Variants in EED observed in about 807,000 individuals in gnomAD.
EED encodes the protein polycomb protein EED.
A neutral mutation model predicts 61.0 loss-of-function variants in EED; 9 were observed. The ratio of observed to expected loss-of-function variants is 0.15; its 90% CI spans 0.09 to 0.26. The LOEUF (loss-of-function observed/expected upper bound fraction) is 0.26. EED is among the 10% of genes least tolerant of loss of function. The pLI, the probability that EED is intolerant of heterozygous loss-of-function variation, is 1.00. For synonymous variants in EED, 187 were observed against 174.4 expected (o/e 1.07, Z -0.57); for missense variants, 315 against 542.3 (o/e 0.58, Z 4.16).
At chr11:86,270,113 C>G (rs1325620632) in intron 9 of EED, 1 of 700,436 alleles carries the variant, frequency 1.4e-6, no homozygotes, top group Admixed American at 2.0e-5. Context: ...TTCCCACCAG[C>G]AATGTATGAG....
At chr11:86,258,352 T>C (rs1945729454) in intron 6 of EED, among the ~76,000 whole-genome samples, 1 of 152,196 alleles carries the variant, frequency 6.6e-6, no homozygotes, top group African/African-American at 2.4e-5. Flanking sequence ...GCTACGTTTT[T>C]CAGGATAAGT....
intron 3 of EED, among the ~76,000 whole-genome samples, chr11:86,254,715 C>T (rs375017328): frequency 6.0e-5 from 9 of 151,018 alleles, no homozygotes; most frequent in African/African-American, 1.9e-4. Context: ...CTCCGCCTCC[C>T]GGGTTCAAGT....
rs1482435543 is a variant in EED, at chr11:86,255,235, A to T, written c.374A>T (p.Glu125Val). The stretch of plus-strand genomic sequence containing the variant: ...TATTTTCATTAGGTTACCTTGTATG[A>T]ATGTCATTCACAAGGAGAAATCCGG... ...TVGSNRVTLY[E>V]CHSQGEIRLL... Residue 125 changes from glutamate to valine, a missense_variant, in exon 4 of 12, where the codon GAA becomes GTA. Physicochemically the swap from Glu to Val is moderately radical, Grantham distance 121 (BLOSUM62 -2). Transcript: ENST00000263360. 2 of 1,609,784 alleles carry T rather than the reference A, an allele frequency of 1.2e-6. No individual in the cohort carries two copies. The highest frequency in any genetic ancestry group is 1.7e-6 in the Non-Finnish European group (2 of 1,176,942).
chr11:86,252,671 G>A (rs1945565329), intron 3 of EED, among the ~76,000 whole-genome samples: 1 of 152,056 alleles, frequency 6.6e-6, no homozygotes, highest in Admixed American at 6.6e-5. Flanking sequence ...TTATTGAGAT[G>A]TTTTAATTAC....
chr11:86,255,145 T>G, intron 3 of EED, 77 bp from the exon 4 acceptor site: 1 of 1,173,196 alleles, frequency 8.5e-7, no homozygotes, highest in Non-Finnish European at 1.2e-6. Flanking sequence ...GGATTGCGAT[T>G]AAAATATGTT....
At chr11:86,256,696 G>A (rs1945685270) in intron 5 of EED, among the ~76,000 whole-genome samples, 184 bp downstream of exon 5, 1 of 152,172 alleles carries the variant, frequency 6.6e-6, no homozygotes, top group Non-Finnish European at 1.5e-5. Flanking sequence ...TGTAAATTAA[G>A]GAATAAGTGG....
chr11:86,274,039 T>C (rs554007563), intron 9 of EED, among the ~76,000 whole-genome samples: 277 of 152,256 alleles, frequency 1.8e-3, no homozygotes, highest in African/African-American at 5.4e-3. Context: ...TCTTCCCTCA[T>C]TTTGGGACTC....
At chr11:86,251,694 C>G (rs941206393) in intron 2 of EED, among the ~76,000 whole-genome samples, 1 of 152,144 alleles carries the variant, frequency 6.6e-6, no homozygotes, top group Non-Finnish European at 1.5e-5. Context: ...TGAATGGAGT[C>G]TGCTATGCTT....
At chr11:86,269,934 T>TTGCA (rs1431764742) in intron 9 of EED, 3 of 553,416 alleles carry the variant, frequency 5.4e-6, no homozygotes, top group Non-Finnish European at 9.6e-6. Context: ...TTCTGGGCTA[T>TTGCA]TGCAAATAAA....
At chr11:86,261,737 C>T (rs1286915763) in intron 6 of EED, among the ~76,000 whole-genome samples, 1 of 152,216 alleles carries the variant, frequency 6.6e-6, no homozygotes, top group African/African-American at 2.4e-5. Context: ...CTGCTTGTAC[C>T]TTCAGAAGCT....
At chr11:86,272,961 T>G (rs1476392383) in intron 9 of EED, among the ~76,000 whole-genome samples, 1 of 152,236 alleles carries the variant, frequency 6.6e-6, no homozygotes, top group Non-Finnish European at 1.5e-5. Flanking sequence ...TGAACAGTTT[T>G]TAGAATTCCA....
At chr11:86,250,261 GT>G (rs879921212) in intron 1 of EED, 34 bp from the exon 2 acceptor site, 2 of 1,464,978 alleles carry the variant, frequency 1.4e-6, no homozygotes, top group Non-Finnish European at 1.8e-6. Context: ...CAGTATTGCT[GT>G]TTCATGTAAT....
chr11:86,256,306 G>T (rs1945672182), intron 4 of EED, 81 bp from the exon 5 acceptor site: 3 of 1,343,396 alleles, frequency 2.2e-6, no homozygotes, highest in Non-Finnish European at 2.9e-6. Flanking sequence ...AACTTTAGCA[G>T]TTCTTTATAA....
At chr11:86,249,171 A>G (rs766345991) in intron 1 of EED, among the ~76,000 whole-genome samples, 4 of 152,200 alleles carry the variant, frequency 2.6e-5, no homozygotes, top group African/African-American at 4.8e-5. Context: ...AAAGAGATTA[A>G]AATACCACAT....
At chr11:86,248,124 A>G (rs1945437581) in intron 1 of EED, among the ~76,000 whole-genome samples, 1 of 152,232 alleles carries the variant, frequency 6.6e-6, no homozygotes, top group Admixed American at 6.5e-5. Context: ...GCAAGTGAAG[A>G]TGGTAGTACC....
At chr11:86,271,402 T>C (rs947011020) in intron 9 of EED, among the ~76,000 whole-genome samples, 9 of 152,216 alleles carry the variant, frequency 5.9e-5, no homozygotes, top group Admixed American at 2.0e-4. Flanking sequence ...AGACTACATA[T>C]TCAAGGTGTG....
chr11:86,248,926 A>G (rs1342427757), intron 1 of EED, among the ~76,000 whole-genome samples: 1 of 152,104 alleles, frequency 6.6e-6, no homozygotes, highest in Non-Finnish European at 1.5e-5. Context: ...TGGGGGGAAG[A>G]TCACTTGAGT....
chr11:86,255,108 A>T (rs781239682), intron 3 of EED, 114 bp from the exon 4 acceptor site: 2 of 744,314 alleles, frequency 2.7e-6, no homozygotes, highest in Non-Finnish European at 4.3e-6. Context: ...ATTTTAAGGC[A>T]GTAGTTTCTG....
chr11:86,249,894 G>A (rs918850841), intron 1 of EED, among the ~76,000 whole-genome samples: 10 of 152,180 alleles, frequency 6.6e-5, no homozygotes, highest in African/African-American at 2.4e-4. Context: ...ATATACATCA[G>A]TCAGATTTAA....
Sources: allele counts gnomAD v4.1 joint callset (sites outside exome capture counted in the v4.1 genomes callset), GRCh38; gene constraint gnomAD v4.1.1; transcripts MANE v1.5; gene names NCBI Gene and HGNC (gene_info 2026-07-23, HGNC 2026-07-21).